Variants in MED12L observed in about 807,000 individuals in gnomAD.
The protein encoded by MED12L is mediator complex subunit 12L, also known as mediator of RNA polymerase II transcription subunit 12-like protein.
A neutral mutation model predicts 281.3 loss-of-function variants in MED12L; 60 were observed. The observed-to-expected ratio is 0.21, with a 90% CI of 0.17 to 0.26. The LOEUF is 0.26. Among genes scored for constraint, MED12L ranks in the 10% least tolerant of loss-of-function variants. The pLI, the probability that MED12L is intolerant of heterozygous loss-of-function variation, is 1.00. For synonymous variants in MED12L, 974 were observed against 987.2 expected, an observed-to-expected ratio of 0.99 and a Z score of 0.25; for missense variants, 2,146 against 2,680.9, an observed-to-expected ratio of 0.80 and a Z score of 4.41.
Position 151,215,828 on chromosome 3 carries a change from C to T in MED12L, c.2250+22162C>T, listed in dbSNP as rs139421326. Among the ~76,000 whole-genome samples, 27 of 152,326 alleles carry T rather than the reference C, an allele frequency of 1.8e-4. No homozygotes were observed. In the East Asian group the frequency reaches 4.4e-3, roughly 25 times the overall value. On this transcript the variant is annotated intron_variant, in intron 16 of 44. Transcript: ENST00000687756. Reference sequence around the variant, plus strand: ...CCTCCTGCTTCCTCCACCCCCAGCACTGAGTTCCTGCTGTCCTGGGCCCAT... The same window carrying T: ...CCTCCTGCTTCCTCCACCCCCAGCATTGAGTTCCTGCTGTCCTGGGCCCAT...
chr3:151,098,508 G>A (rs756400809), intron 2 of MED12L, among the ~76,000 whole-genome samples: 2 of 152,204 alleles, frequency 1.3e-5, no homozygotes, highest in African/African-American at 4.8e-5. Context: ...CCTTCAGCCT[G>A]TGGTGGCTCC....
chr3:151,408,972 C>A (rs1716651247), intron 39 of MED12L, among the ~76,000 whole-genome samples: 1 of 152,206 alleles, frequency 6.6e-6, no homozygotes, highest in African/African-American at 2.4e-5. Context: ...CAGCTGACAG[C>A]CTCTCTGCTG....
intron 5 of MED12L, among the ~76,000 whole-genome samples, chr3:151,140,494 T>G (rs375261691): frequency 6.6e-6 from 1 of 152,258 alleles, no homozygotes; most frequent in African/African-American, 2.4e-5. Context: ...TATGCTGCAC[T>G]GTAACTCTAT....
intron 16 of MED12L, among the ~76,000 whole-genome samples, chr3:151,293,576 T>TATAC: frequency 1.3e-5 from 1 of 76,226 alleles, no homozygotes; most frequent in South Asian, 5.8e-4. Flanking sequence ...ATGAAGCCCT[T>TATAC]ACACACACAC....
rs1002344651 is a variant in MED12L at position 151,163,955 on chromosome 3, C to T, written c.1170C>T (p.Ser390=). ...VWNYSTNENK[S]ANPGSPLDLL... Reference sequence around the variant, plus strand: ...ATTATTCCACAAATGAAAATAAGAGCGCAAACCCAGGCTCACCCCTGGATC... The same window carrying T: ...ATTATTCCACAAATGAAAATAAGAGTGCAAACCCAGGCTCACCCCTGGATC... The change falls in exon 9 of 45, where the codon AGC becomes AGT. Residue 390 remains serine, a synonymous_variant. Transcript: ENST00000687756. 8.7e-6 allele frequency: 14 copies of T among 1,613,438 alleles called. No individual in the cohort carries two copies. In the East Asian group the frequency reaches 8.9e-5, roughly 10 times the overall value.
chr3:151,141,703 T>C (rs1318396236), intron 5 of MED12L, among the ~76,000 whole-genome samples: 1 of 152,234 alleles, frequency 6.6e-6, no homozygotes, highest in Non-Finnish European at 1.5e-5. Flanking sequence ...TAGTTCTTGG[T>C]TCTTCAGTTA....
intron 39 of MED12L, among the ~76,000 whole-genome samples, chr3:151,398,261 C>A (rs1715240559): frequency 6.6e-6 from 1 of 152,148 alleles, no homozygotes; most frequent in Non-Finnish European, 1.5e-5. Flanking sequence ...TTTTGGAAAC[C>A]TAAATGGGAA....
At chr3:151,162,998 G>A (rs1035928026) in intron 8 of MED12L, among the ~76,000 whole-genome samples, 2 of 152,314 alleles carry the variant, frequency 1.3e-5, no homozygotes, top group Admixed American at 1.3e-4. Flanking sequence ...TAGACTAAGT[G>A]TAATTAGCTT....
chr3:151,175,887 T>G (rs575985256), intron 11 of MED12L, among the ~76,000 whole-genome samples: 1 of 152,324 alleles, frequency 6.6e-6, no homozygotes, highest in South Asian at 2.1e-4. Flanking sequence ...TTTTACTATT[T>G]TGCCACTGTA....
chr3:151,162,237 G>A (rs543726317), intron 8 of MED12L, among the ~76,000 whole-genome samples: 1 of 152,216 alleles, frequency 6.6e-6, no homozygotes, highest in South Asian at 2.1e-4. Flanking sequence ...TCTGTCAGGA[G>A]GAGTTGAGAA....
chr3:151,377,898 T>C, intron 30 of MED12L, 114 bp from the exon 31 acceptor site: 1 of 1,045,020 alleles, frequency 9.6e-7, no homozygotes, highest in Non-Finnish European at 1.3e-6. Context: ...AAGGGAAATT[T>C]TAGAACAGTC....
chr3:151,376,979 A>G lies in MED12L; in HGVS notation c.4129-12A>G. The G allele has an allele frequency of 6.2e-7, 1 of 1,613,152 alleles. No individual in the cohort carries two copies. ...TACACATATGTGCCAGTATTCTTAT[A>G]TCTAACTCTAGGGCTCTGGTTCTGT... On this transcript the variant is annotated splice_polypyrimidine_tract_variant and intron_variant, in intron 29 of 44. Coordinates refer to ENST00000687756, the MANE Select transcript of MED12L (RefSeq NM_001393769.1).
At chr3:151,128,464 C>T (rs988247241) in intron 5 of MED12L, among the ~76,000 whole-genome samples, 1 of 152,176 alleles carries the variant, frequency 6.6e-6, no homozygotes, top group African/African-American at 2.4e-5. Flanking sequence ...GTGAAGTCAT[C>T]GCTGATCTGC....
At chr3:151,213,834 G>T in intron 16 of MED12L, 3 of 1,614,086 alleles carry the variant, frequency 1.9e-6, no homozygotes, top group Non-Finnish European at 2.5e-6. Context: ...TAACACTCTG[G>T]TTGGTGAGAA....
intron 42 of MED12L, among the ~76,000 whole-genome samples, chr3:151,415,325 TTAA>T (rs1273759180): frequency 2.0e-5 from 3 of 152,190 alleles, no homozygotes; most frequent in Non-Finnish European, 4.4e-5. Flanking sequence ...AAGGAAAAAG[TTAA>T]TAATGATGAA....
intron 16 of MED12L, among the ~76,000 whole-genome samples, chr3:151,329,287 C>T (rs1220307261): frequency 1.3e-5 from 2 of 152,026 alleles, no homozygotes; most frequent in Non-Finnish European, 2.9e-5. Flanking sequence ...CTACTGTTAG[C>T]CATAAAACAA....
At chr3:151,181,722 A>G (rs1398284410) in intron 11 of MED12L, among the ~76,000 whole-genome samples, 3 of 151,378 alleles carry the variant, frequency 2.0e-5, no homozygotes, top group Non-Finnish European at 1.5e-5. Context: ...AGTAGCTGGG[A>G]CTACAGGCAT....
intron 16 of MED12L, among the ~76,000 whole-genome samples, chr3:151,228,682 T>A (rs1019154571): frequency 1.3e-5 from 2 of 151,966 alleles, no homozygotes; most frequent in African/African-American, 2.4e-5. Context: ...AAGTCCAGAG[T>A]GTTTCAGTTC....
chr3:151,186,733 T>G (rs1723334062), intron 12 of MED12L, among the ~76,000 whole-genome samples: 2 of 152,010 alleles, frequency 1.3e-5, no homozygotes, highest in African/African-American at 4.8e-5. Flanking sequence ...GTTCTACCCC[T>G]CAAGCACTCT....
Sources: gnomAD v4.1 joint callset for allele counts (sites outside exome capture counted in the v4.1 genomes callset) on GRCh38, gnomAD v4.1.1 for gene constraint, MANE v1.5 for transcripts, NCBI Gene and HGNC (gene_info 2026-07-23, HGNC 2026-07-21) for gene names.